SCOC: variants seen among roughly 807,000 people sequenced by gnomAD.
SCOC encodes the protein short coiled coil protein.
A neutral mutation model predicts 9.9 loss-of-function variants in SCOC; 7 were observed. The observed-to-expected ratio is 0.71, with a 90% CI of 0.40 to 1.33. The LOEUF is 1.33. Among genes scored for constraint, SCOC ranks in the 40% most tolerant of loss-of-function variants. The probability of loss-of-function intolerance (pLI) is 0.01; values close to 1 mark genes in which losing one functional copy is unlikely to be tolerated. For missense variants in SCOC, 66 were observed against 89.7 expected, an observed-to-expected ratio of 0.74 and a Z score of 1.07; for synonymous variants, 19 against 28.2, an observed-to-expected ratio of 0.67 and a Z score of 1.03.
rs545507314 is a variant in SCOC at position 140,258,789 on chromosome 4, C to T, written c.-19+1379C>T. 3.3e-5 allele frequency among the ~76,000 whole-genome samples: 5 copies of T among 152,300 alleles called. No individual in the cohort carries two copies. The South Asian group carries it at 6.2e-4, about 19-fold the overall frequency. ...CAAATCCAGTGTAGAAACTATAGTT[C>T]CATTTTTTGAAATGATGGCGTATCA... On this transcript the variant is annotated intron_variant, in intron 1 of 4. Coordinates refer to the SCOC transcript ENST00000394205.
chr4:140,328,677 CTT>C (rs1732722754), intron 1 of SCOC, among the ~76,000 whole-genome samples: 1 of 152,170 alleles, frequency 6.6e-6, no homozygotes, highest in Non-Finnish European at 1.5e-5. Flanking sequence ...TATCTGTACT[CTT>C]ATAATTTGCA....
At chr4:140,360,248 G>T (rs1055987667) in intron 2 of SCOC, among the ~76,000 whole-genome samples, 1 of 152,170 alleles carries the variant, frequency 6.6e-6, no homozygotes, top group Non-Finnish European at 1.5e-5. Flanking sequence ...AATAGAAGCT[G>T]ATTTTGAACC....
At chr4:140,270,574 T>C (rs1560675920) in intron 1 of SCOC, among the ~76,000 whole-genome samples, 1 of 152,148 alleles carries the variant, frequency 6.6e-6, no homozygotes, top group Non-Finnish European at 1.5e-5. Context: ...ATAGTTTGAA[T>C]AATTTTAGCA....
chr4:140,368,979 A>G (rs1560725354), upstream of SCOC, among the ~76,000 whole-genome samples: 1 of 152,024 alleles, frequency 6.6e-6, no homozygotes, highest in Non-Finnish European at 1.5e-5. Flanking sequence ...AATCATTCCT[A>G]ATTATTTCCA....
rs186296059 is a variant in SCOC, at chr4:140,378,784, A to G, written c.-50-337A>G. Reference sequence around the variant, plus strand: ...TGTAAATGTTTTTATGAATCTTATTATCATACTGCTTTCCAAAAAGATTAC... The same window carrying G: ...TGTAAATGTTTTTATGAATCTTATTGTCATACTGCTTTCCAAAAAGATTAC... On this transcript the variant is annotated intron_variant, in intron 1 of 3. Transcript: ENST00000608372. 5.9e-5 allele frequency among the ~76,000 whole-genome samples: 9 copies of G among 152,280 alleles called. No individual in the cohort carries two copies. The East Asian group carries it at 1.7e-3, about 29-fold the overall frequency.
At chr4:140,310,268 A>T (rs1486917966) in intron 1 of SCOC, among the ~76,000 whole-genome samples, 1 of 152,174 alleles carries the variant, frequency 6.6e-6, no homozygotes, top group African/African-American at 2.4e-5. Flanking sequence ...AATATTAATT[A>T]AAGGCTCTTT....
intron 1 of SCOC, among the ~76,000 whole-genome samples, chr4:140,298,536 T>C (rs1731715519): frequency 6.6e-6 from 1 of 152,200 alleles, no homozygotes; most frequent in Non-Finnish European, 1.5e-5. Flanking sequence ...TTTCTCCCCA[T>C]GCCCGTGCCA....
intron 1 of SCOC, among the ~76,000 whole-genome samples, chr4:140,282,570 C>T (rs190362991): frequency 2.0e-5 from 3 of 152,222 alleles, no homozygotes; most frequent in African/African-American, 7.2e-5. Context: ...TAGACAGATG[C>T]ACAGAGAAAG....
At chr4:140,277,105 C>A (rs993184348) in intron 1 of SCOC, among the ~76,000 whole-genome samples, 3 of 152,084 alleles carry the variant, frequency 2.0e-5, no homozygotes, top group Admixed American at 6.5e-5. Context: ...TGTTATTCCC[C>A]CTTGTAAAAA....
At chr4:140,313,287 C>T (rs1732207523) in intron 1 of SCOC, among the ~76,000 whole-genome samples, 1 of 152,146 alleles carries the variant, frequency 6.6e-6, no homozygotes, top group African/African-American at 2.4e-5. Context: ...TTCTTGTTGC[C>T]CAGGCTGGAG....
At chr4:140,315,445 G>C (rs547444226) in intron 1 of SCOC, among the ~76,000 whole-genome samples, 2 of 152,290 alleles carry the variant, frequency 1.3e-5, no homozygotes, top group East Asian at 3.9e-4. Context: ...TTAGTTAAGT[G>C]GTAGAATTGG....
At position 140,379,645 on chromosome 4, in the gene SCOC, A is replaced by T; in HGVS notation, c.99A>T (p.Thr33=). 6.2e-7 allele frequency: 1 copy of T among 1,605,668 alleles called. No individual in the cohort carries two copies. Among genetic ancestry groups the T allele is most frequent in the Non-Finnish European group, 8.5e-7 (1 of 1,176,300 alleles). Residue 33 remains threonine, a synonymous_variant, in exon 3 of 4, where the codon ACA becomes ACT. Coordinates refer to ENST00000608372, the MANE Select transcript of SCOC (RefSeq NM_001153484.2). ...LINQVLELQH[T]LEDLSARVDA... Reference sequence around the variant, plus strand: ...ATCAAGTGTTGGAACTCCAACACACACTTGAAGGTTGGCTTGCATTTTGTA... The same window carrying T: ...ATCAAGTGTTGGAACTCCAACACACTCTTGAAGGTTGGCTTGCATTTTGTA...
chr4:140,280,952 T>A lies in SCOC; in HGVS notation c.-19+23542T>A, dbSNP rs1263996539. 4.6e-5 allele frequency among the ~76,000 whole-genome samples: 7 copies of A among 152,294 alleles called. No individual in the cohort carries two copies. In the East Asian group the frequency reaches 1.4e-3, roughly 29 times the overall value. ...AAGACGGAGGCAGATGGAGGTCAAA[T>A]TTCATCTATATTGCTACAAAAGTTA... On this transcript the variant is annotated intron_variant, in intron 1 of 4. Coordinates refer to the SCOC transcript ENST00000394205.
intron 1 of SCOC, among the ~76,000 whole-genome samples, chr4:140,335,513 T>C (rs1732933190): frequency 6.6e-6 from 1 of 152,228 alleles, no homozygotes; most frequent in Non-Finnish European, 1.5e-5. Flanking sequence ...CACTAATTTG[T>C]CAAAAATATC....
At chr4:140,329,689 A>T (rs1477241728) in intron 1 of SCOC, among the ~76,000 whole-genome samples, 1 of 152,228 alleles carries the variant, frequency 6.6e-6, no homozygotes, top group Non-Finnish European at 1.5e-5. Flanking sequence ...GCCAACAAGC[A>T]TATGGAAAAA....
chr4:140,310,477 T>C (rs1560694857), intron 1 of SCOC, among the ~76,000 whole-genome samples: 1 of 152,196 alleles, frequency 6.6e-6, no homozygotes, highest in Non-Finnish European at 1.5e-5. Flanking sequence ...AATAAACCCT[T>C]CAGGAACTTT....
At chr4:140,344,575 A>G (rs1359287029) in intron 2 of SCOC, among the ~76,000 whole-genome samples, 1 of 152,214 alleles carries the variant, frequency 6.6e-6, no homozygotes, top group Non-Finnish European at 1.5e-5. Context: ...ACCACCAGCC[A>G]GACCTAAGCT....
chr4:140,378,916 G>A (rs1307251000), intron 1 of SCOC, among the ~76,000 whole-genome samples: 1 of 152,018 alleles, frequency 6.6e-6, no homozygotes, highest in African/African-American at 2.4e-5. Context: ...TGGTATTTAT[G>A]TATTTTTTGA....
At chr4:140,362,299 CTTTT>C (rs1183789218) in intron 2 of SCOC, among the ~76,000 whole-genome samples, 42 of 38,350 alleles carry the variant, frequency 1.1e-3, no homozygotes, top group Admixed American at 2.2e-3. Context: ...TCTTCTTCTT[CTTTT>C]TTTTTTTTTT....
Sources: gnomAD v4.1 joint callset for allele counts (sites outside exome capture counted in the v4.1 genomes callset) on GRCh38, gnomAD v4.1.1 for gene constraint, MANE v1.5 for transcripts, NCBI Gene and HGNC (gene_info 2026-07-23, HGNC 2026-07-21) for gene names.